Variants in ACVR1 observed in about 807,000 individuals in gnomAD.
The protein encoded by ACVR1 is activin A receptor type 1, also known as activin receptor type-1.
Under a neutral mutation model 57.1 loss-of-function variants are expected in ACVR1, and 38 were observed. The ratio of observed to expected loss-of-function variants is 0.67; its 90% CI spans 0.51 to 0.87. The LOEUF is 0.87. Among genes scored for constraint, ACVR1 ranks in the 40% least tolerant of loss-of-function variants. The pLI is 0.00. For missense variants in ACVR1, 463 were observed against 638.2 expected (o/e 0.73, Z 2.96); for synonymous variants, 212 against 228.1 (o/e 0.93, Z 0.63).
chr2:157,805,847 G>A (rs868021967), intron 2 of ACVR1, among the ~76,000 whole-genome samples: 23 of 114,758 alleles, frequency 2.0e-4, no homozygotes, highest in Admixed American at 1.7e-3. Flanking sequence ...TTTTTGAGAC[G>A]AGGTCTTGCT....
At chr2:157,853,324 C>G (rs1298228182) in intron 1 of ACVR1, among the ~76,000 whole-genome samples, 1 of 152,146 alleles carries the variant, frequency 6.6e-6, no homozygotes, top group Non-Finnish European at 1.5e-5. Flanking sequence ...CTCTTCCTGG[C>G]TAACAGGGGC....
rs534287408 is a variant in ACVR1, at chr2:157,790,619, G to A, written c.67+8808C>T. Among the ~76,000 whole-genome samples the A allele has an allele frequency of 3.3e-5, 5 of 152,302 alleles. No homozygotes were observed. In the South Asian group the frequency reaches 1.0e-3, roughly 32 times the overall value. ...TGTTTTGTCACTGTTAATATCATTT[G>A]TGAGCCACCTGTAACAGTTCTACGT... On this transcript the variant is annotated intron_variant, in intron 3 of 10. Transcript: ENST00000434821.
intron 6 of ACVR1, among the ~76,000 whole-genome samples, chr2:157,772,386 CAT>C (rs1335696216): frequency 2.0e-5 from 3 of 152,180 alleles, no homozygotes. Flanking sequence ...CAGTTCATCA[CAT>C]ATATTTTTAC....
intron 1 of ACVR1, among the ~76,000 whole-genome samples, chr2:157,836,680 G>T (rs1688793692): frequency 6.6e-6 from 1 of 152,124 alleles, no homozygotes; most frequent in Non-Finnish European, 1.5e-5. Context: ...GAAGGACTTT[G>T]TCCTCTTTAG....
rs1443050596 is a variant in ACVR1 at position 157,838,282 on chromosome 2, A to G, written c.-182-19723T>C. The G allele has an allele frequency of 3.3e-5, 5 of 152,150 alleles. No individual in the cohort carries two copies. The East Asian group carries it at 9.6e-4, about 29-fold the overall frequency. 9.4% of individuals were successfully genotyped at this position (152,150 alleles called of 1,614,324 possible). ...TCTCTGAAACGCTATTCGCTTCAAA[A>G]AGGCAAGGTACTTCCCGCTGCATTG... On this transcript the variant is annotated intron_variant, in intron 1 of 10. Coordinates refer to ENST00000434821, the MANE Select transcript of ACVR1 (RefSeq NM_001111067.4).
chr2:157,838,807 A>G (rs755794760), intron 1 of ACVR1, among the ~76,000 whole-genome samples: 7 of 152,088 alleles, frequency 4.6e-5, no homozygotes, highest in Non-Finnish European at 1.0e-4. Flanking sequence ...TTTCTACTTC[A>G]TGTTTAAACC....
At chr2:157,794,169 A>T (rs1434076053) in intron 3 of ACVR1, among the ~76,000 whole-genome samples, 1 of 152,216 alleles carries the variant, frequency 6.6e-6, no homozygotes, top group African/African-American at 2.4e-5. Flanking sequence ...AAGAAAAGCC[A>T]AACATGGAGG....
intron 3 of ACVR1, 49 bp from the exon 4 acceptor site, chr2:157,780,649 CG>C: frequency 6.3e-7 from 1 of 1,598,190 alleles, no homozygotes; most frequent in Non-Finnish European, 8.5e-7. Context: ...GAGGAATTAC[CG>C]TATGAGTTTC....
At position 157,737,360 on chromosome 2, in the gene ACVR1, G is replaced by T; in HGVS notation, c.*171C>A. ...CACAGTCATCGAGCGAGGTTAGGGT[G>T]GTTTTGATGTCTCCCCAACACATGG... On this transcript the variant is annotated 3_prime_UTR_variant, in exon 11 of 11. Coordinates refer to ENST00000434821, the MANE Select transcript of ACVR1 (RefSeq NM_001111067.4). 1.3e-6 allele frequency: 1 copy of T among 790,142 alleles called. No homozygotes were observed. The highest frequency in any genetic ancestry group is 2.1e-6 in the Non-Finnish European group (1 of 473,864). 48.9% of individuals were successfully genotyped at this position (790,142 alleles called of 1,614,324 possible). A position where few individuals can be genotyped will look rare whatever the true frequency, so the allele number is the denominator to read the frequency against.
chr2:157,838,944 T>G (rs1001431515), intron 1 of ACVR1, among the ~76,000 whole-genome samples: 14 of 152,194 alleles, frequency 9.2e-5, no homozygotes, highest in African/African-American at 3.4e-4. Context: ...CACTCCTTTT[T>G]GAGTTTTCTG....
intron 4 of ACVR1, 31 bp downstream of exon 4, chr2:157,780,306 T>C: frequency 6.2e-7 from 1 of 1,613,984 alleles, no homozygotes. Flanking sequence ...ACAAAACCCC[T>C]TGATCTAGAA....
intron 2 of ACVR1, among the ~76,000 whole-genome samples, chr2:157,816,418 CAA>C (rs1392602642): frequency 8.4e-6 from 1 of 118,640 alleles, no homozygotes. Context: ...ACTCTGTCTC[CAA>C]AAAAAAAAAC....
chr2:157,762,193 G>T (rs1454702526), intron 8 of ACVR1, among the ~76,000 whole-genome samples: 1 of 152,124 alleles, frequency 6.6e-6, no homozygotes, highest in Non-Finnish European at 1.5e-5. Context: ...TTATCCTTCA[G>T]TTACCCGCAG....
At chr2:157,854,591 C>T (rs959676700) in intron 1 of ACVR1, among the ~76,000 whole-genome samples, 11 of 151,942 alleles carry the variant, frequency 7.2e-5, no homozygotes, top group Non-Finnish European at 1.5e-5. Context: ...GGCATGGTGG[C>T]GGGCACTTGT....
At chr2:157,766,507 G>C (rs568112357) in intron 7 of ACVR1, among the ~76,000 whole-genome samples, 10 of 152,210 alleles carry the variant, frequency 6.6e-5, no homozygotes, top group African/African-American at 2.4e-4. Flanking sequence ...ATAGTGCCAA[G>C]CCCTTCAGCA....
At chr2:157,799,316 A>C in intron 3 of ACVR1, 111 bp downstream of exon 3, 1 of 723,660 alleles carries the variant, frequency 1.4e-6, no homozygotes, top group East Asian at 2.7e-5. Context: ...CCAAATATTT[A>C]TTATAAAAAG....
intron 1 of ACVR1, among the ~76,000 whole-genome samples, chr2:157,819,247 T>C (rs1317174301): frequency 4.6e-5 from 7 of 151,918 alleles, no homozygotes; most frequent in Non-Finnish European, 7.4e-5. Flanking sequence ...TTGTGTGCAT[T>C]TGAGGGAGGC....
In ACVR1 at chr2:157,781,003, C is replaced by G. The variant is rs982499243; in HGVS notation, c.68-403G>C. On this transcript the variant is annotated intron_variant, in intron 3 of 10. Transcript: ENST00000434821. ...AATGTTTATCACCTTTATTCTATTCCAAAAAAAAAGCTCCTAAATATATGG... is the reference window on the plus strand; with the variant it reads ...AATGTTTATCACCTTTATTCTATTCGAAAAAAAAAGCTCCTAAATATATGG... Among the ~76,000 whole-genome samples the G allele has an allele frequency of 6.0e-5, 9 of 150,062 alleles. No homozygotes were observed. In the South Asian group the frequency reaches 1.9e-3, roughly 32 times the overall value.
rs1310574837 is a variant in ACVR1, at chr2:157,737,083, A to G, written c.*448T>C. On this transcript the variant is annotated 3_prime_UTR_variant, in exon 11 of 11. Coordinates refer to ENST00000434821, the MANE Select transcript of ACVR1 (RefSeq NM_001111067.4). ...CTTTAAAATTAAGAGTAACAGTGCA[A>G]GTAAGGAATGCAAAGAATTCCTAGT... is the stretch of plus-strand genomic sequence containing the variant. 2 of 297,452 alleles carry G rather than the reference A, an allele frequency of 6.7e-6. No individual in the cohort carries two copies. Among genetic ancestry groups the G allele is most frequent in the Non-Finnish European group, 1.3e-5 (2 of 159,582 alleles). The allele number at this position is 297,452 out of a possible 1,614,324, so 18.4% of individuals were successfully genotyped here. A position where few individuals can be genotyped will look rare whatever the true frequency, so the allele number is the denominator to read the frequency against.
Sources: allele counts gnomAD v4.1 joint callset (sites outside exome capture counted in the v4.1 genomes callset), GRCh38; gene constraint gnomAD v4.1.1; transcripts MANE v1.5; gene names NCBI Gene and HGNC (gene_info 2026-07-23, HGNC 2026-07-21).